The following PDE3A variants were observed in gnomAD, a reference collection of about 807,000 sequenced individuals.
PDE3A encodes phosphodiesterase 3A, also known as cGMP-inhibited 3',5'-cyclic phosphodiesterase 3A.
PDE3A carries 43 observed loss-of-function variants against 98.3 expected under a neutral mutation model. The ratio of observed to expected loss-of-function variants is 0.44; its 90% CI spans 0.34 to 0.56. The LOEUF (loss-of-function observed/expected upper bound fraction) is 0.56, where lower values mean the gene tolerates loss of function less well. PDE3A is among the 20% of genes least tolerant of loss of function. PDE3A has a pLI of 0.01. For synonymous variants in PDE3A, 663 were observed against 567.9 expected (o/e 1.17, Z -2.38); for missense variants, 1,427 against 1,440.7 (o/e 0.99, Z 0.15).
At chr12:20,398,296 A>AAT (rs1944056548) in intron 1 of PDE3A, among the ~76,000 whole-genome samples, 1 of 50,362 alleles carries the variant, frequency 2.0e-5, no homozygotes, top group African/African-American at 6.6e-5. Flanking sequence ...TTCTTAGTTC[A>AAT]CTTTTTTTTT....
chr12:20,619,758 C>G (rs575834768), intron 4 of PDE3A, among the ~76,000 whole-genome samples: 35 of 152,056 alleles, frequency 2.3e-4, no homozygotes, highest in African/African-American at 8.2e-4. Flanking sequence ...TACCACATTT[C>G]AAATGTCCTC....
chr12:20,405,589 G>A (rs1944218100), intron 1 of PDE3A, among the ~76,000 whole-genome samples: 1 of 151,700 alleles, frequency 6.6e-6, no homozygotes, highest in Non-Finnish European at 1.5e-5. Context: ...TTTTTGTTTG[G>A]CTTTATTGAG....
At chr12:20,541,045 A>T (rs1309431314) in intron 1 of PDE3A, among the ~76,000 whole-genome samples, 3 of 130,332 alleles carry the variant, frequency 2.3e-5, no homozygotes, top group Admixed American at 1.6e-4. Context: ...TATATTATTG[A>T]CTCAAATTGA....
chr12:20,512,658 G>A (rs577815081), intron 1 of PDE3A, among the ~76,000 whole-genome samples: 1 of 152,188 alleles, frequency 6.6e-6, no homozygotes, highest in South Asian at 2.1e-4. Context: ...TAAGCTGTAA[G>A]TAGAATGATT....
chr12:20,552,132 C>G lies in PDE3A; in HGVS notation c.961-4528C>G. On this transcript the variant is annotated intron_variant, in intron 1 of 15. Coordinates refer to ENST00000359062, the MANE Select transcript of PDE3A (RefSeq NM_000921.5). This position sits in a 1 kb window ranked among gnomAD's most constrained non-coding sequence, Gnocchi z 5.1. ...CGGAACAGTCTTGTGATCAGAAACT[C>G]ACCAACACCAACAGGGCGCTGGCTC... is the stretch of plus-strand genomic sequence containing the variant. 6.2e-7 allele frequency: 1 copy of G among 1,613,564 alleles called. No homozygotes were observed. The highest frequency in any genetic ancestry group is 8.5e-7 in the Non-Finnish European group (1 of 1,179,902).
At chr12:20,626,677 T>C (rs571040253) in intron 5 of PDE3A, among the ~76,000 whole-genome samples, 1 of 152,184 alleles carries the variant, frequency 6.6e-6, no homozygotes, top group South Asian at 2.1e-4. Flanking sequence ...TTTGTATTTT[T>C]AGTAGAGATG....
At chr12:20,539,102 A>T (rs995683460) in intron 1 of PDE3A, among the ~76,000 whole-genome samples, 1 of 152,156 alleles carries the variant, frequency 6.6e-6, no homozygotes, top group African/African-American at 2.4e-5. Flanking sequence ...GAAGATAGAC[A>T]AAAGCAAGTA....
At chr12:20,511,298 T>A (rs767689470) in intron 1 of PDE3A, among the ~76,000 whole-genome samples, 47 of 152,028 alleles carry the variant, frequency 3.1e-4, no homozygotes, top group Non-Finnish European at 1.3e-4. Context: ...TTCTAATACC[T>A]TTGCAAATTG....
intron 1 of PDE3A, among the ~76,000 whole-genome samples, chr12:20,440,299 TTGG>T: frequency 2.6e-5 from 4 of 152,206 alleles, no homozygotes; most frequent in Admixed American, 2.6e-4. Flanking sequence ...GAAAAAGAAA[TTGG>T]TGGCATGGCT....
chr12:20,564,983 T>A (rs1942619020), intron 2 of PDE3A, among the ~76,000 whole-genome samples: 1 of 152,084 alleles, frequency 6.6e-6, no homozygotes, highest in Non-Finnish European at 1.5e-5. Flanking sequence ...CTGCAGATAG[T>A]TTAAGCAATA....
chr12:20,653,170 A>T (rs562705057), intron 14 of PDE3A, among the ~76,000 whole-genome samples: 1 of 152,296 alleles, frequency 6.6e-6, no homozygotes, highest in East Asian at 1.9e-4. Context: ...ACATTTGTAC[A>T]GTAATATTAT....
intron 1 of PDE3A, among the ~76,000 whole-genome samples, chr12:20,402,359 G>T (rs1944148641): frequency 6.6e-6 from 1 of 151,948 alleles, no homozygotes; most frequent in Non-Finnish European, 1.5e-5. Flanking sequence ...ATGTTGGCCA[G>T]ACTGGTCTCG....
intron 1 of PDE3A, among the ~76,000 whole-genome samples, chr12:20,447,261 A>C (rs1012510875): frequency 1.3e-5 from 2 of 152,170 alleles, no homozygotes; most frequent in Non-Finnish European, 2.9e-5. Flanking sequence ...TAATTGTGAT[A>C]TTGTAAAATA....
chr12:20,514,650 T>C (rs1946284149), intron 1 of PDE3A, among the ~76,000 whole-genome samples: 1 of 152,268 alleles, frequency 6.6e-6, no homozygotes, highest in Non-Finnish European at 1.5e-5. Context: ...TTTGCAGTTA[T>C]AGATTTGTTC....
chr12:20,378,944 C>A (rs913988453), intron 1 of PDE3A, among the ~76,000 whole-genome samples: 3 of 151,648 alleles, frequency 2.0e-5, no homozygotes, highest in African/African-American at 7.3e-5. Context: ...TAAGGAATGC[C>A]ATTCTGTCTC....
chr12:20,582,728 T>TTGTC (rs1350512667), intron 2 of PDE3A, among the ~76,000 whole-genome samples: 110 of 152,230 alleles, frequency 7.2e-4, no homozygotes, highest in Non-Finnish European at 1.8e-4. Context: ...GTGTTTGGTT[T>TTGTC]TGTCTATTTG....
At chr12:20,471,664 G>A (rs1329531442) in intron 1 of PDE3A, among the ~76,000 whole-genome samples, 2 of 152,098 alleles carry the variant, frequency 1.3e-5, no homozygotes, top group Non-Finnish European at 2.9e-5. Context: ...GACTGTAAAA[G>A]TAAGAAAGTA....
intron 1 of PDE3A, among the ~76,000 whole-genome samples, chr12:20,425,426 ATTG>A (rs1394961235): frequency 2.6e-5 from 4 of 152,128 alleles, no homozygotes; most frequent in Non-Finnish European, 5.9e-5. Context: ...TTAAATGTTT[ATTG>A]TTTTCTTGCC....
At chr12:20,669,329 G>A (rs376745670) in intron 15 of PDE3A, among the ~76,000 whole-genome samples, 1 of 152,140 alleles carries the variant, frequency 6.6e-6, no homozygotes, top group East Asian at 1.9e-4. Context: ...CCAACGTTCA[G>A]ATTCAGGAAA....
Sources: allele counts gnomAD v4.1 joint callset (sites outside exome capture counted in the v4.1 genomes callset), GRCh38; gene constraint gnomAD v4.1.1; non-coding constraint Gnocchi (gnomAD v3.1); transcripts MANE v1.5; gene names NCBI Gene and HGNC (gene_info 2026-07-23, HGNC 2026-07-21).